The following CCSER1 variants were observed in gnomAD, a reference collection of about 807,000 sequenced individuals.
CCSER1 encodes serine-rich coiled-coil domain-containing protein 1.
Under a neutral mutation model 82.0 loss-of-function variants are expected in CCSER1, and 41 were observed. That is an observed-to-expected ratio of 0.50 (90% CI 0.39 to 0.65). CCSER1 has a LOEUF of 0.65. CCSER1 is among the 30% of genes least tolerant of loss of function. CCSER1 has a pLI of 0.00. For missense variants in CCSER1, 1,119 were observed against 1,064.2 expected (o/e 1.05, Z -0.72); for synonymous variants, 414 against 383.9 (o/e 1.08, Z -0.92).
intron 9 of CCSER1, among the ~76,000 whole-genome samples, chr4:91,057,043 G>A (rs1223201708): frequency 3.9e-5 from 6 of 152,110 alleles, no homozygotes; most frequent in African/African-American, 1.2e-4. Flanking sequence ...CAACAACAAT[G>A]GCTGTTCACC....
chr4:91,359,207 G>C (rs1372641374), intron 10 of CCSER1, among the ~76,000 whole-genome samples: 2 of 151,764 alleles, frequency 1.3e-5, no homozygotes, highest in African/African-American at 4.8e-5. Flanking sequence ...ACAGGGCAGG[G>C]AGTTTCACAA....
At chr4:90,235,998 G>T (rs1400946452) in intron 1 of CCSER1, among the ~76,000 whole-genome samples, 1 of 152,148 alleles carries the variant, frequency 6.6e-6, no homozygotes, top group Admixed American at 6.5e-5. Flanking sequence ...CTGGAATGCA[G>T]TGGCATGATC....
chr4:91,316,737 T>A (rs1745860416), intron 10 of CCSER1, among the ~76,000 whole-genome samples: 1 of 151,962 alleles, frequency 6.6e-6, no homozygotes, highest in South Asian at 2.1e-4. Flanking sequence ...CTTAACACAG[T>A]GTGATCTTTT....
intron 4 of CCSER1, among the ~76,000 whole-genome samples, chr4:90,425,017 G>A (rs994281279): frequency 9.9e-5 from 15 of 152,062 alleles, no homozygotes; most frequent in African/African-American, 3.1e-4. Context: ...TCAGGCCATC[G>A]TTTTCCTCTA....
Position 90,666,308 on chromosome 4 carries a change from T to G in CCSER1, c.1932+38076T>G, listed in dbSNP as rs1731777650. On this transcript the variant is annotated intron_variant, in intron 6 of 10. Coordinates refer to ENST00000509176, the MANE Select transcript of CCSER1 (RefSeq NM_001145065.2). The stretch of plus-strand genomic sequence containing the variant: ...GATTACTAAGTCCTTTTTGCCATGT[T>G]ATGTTACATAGTCACAGGCTTGACA... Among the ~76,000 whole-genome samples the G allele has an allele frequency of 2.6e-5, 4 of 152,200 alleles. No individual in the cohort carries two copies. In the South Asian group the frequency reaches 8.3e-4, roughly 32 times the overall value.
chr4:90,355,557 A>G (rs993940371), intron 3 of CCSER1, among the ~76,000 whole-genome samples: 2 of 152,000 alleles, frequency 1.3e-5, no homozygotes, highest in African/African-American at 4.8e-5. Context: ...GGTGGAAGTC[A>G]AATAACTTGT....
intron 9 of CCSER1, among the ~76,000 whole-genome samples, chr4:90,958,618 G>A (rs556778170): frequency 1.4e-3 from 220 of 152,164 alleles, no homozygotes; most frequent in African/African-American, 5.1e-3. Flanking sequence ...TTGTAGTCTC[G>A]TGTCCCTCCC....
At chr4:91,297,250 A>T (rs747611564) in intron 10 of CCSER1, among the ~76,000 whole-genome samples, 1 of 151,888 alleles carries the variant, frequency 6.6e-6, no homozygotes, top group Non-Finnish European at 1.5e-5. Flanking sequence ...AAAAAGACAG[A>T]TACATTTTAA....
chr4:90,607,868 T>C (rs1037545593), intron 5 of CCSER1, among the ~76,000 whole-genome samples: 3 of 152,100 alleles, frequency 2.0e-5, no homozygotes, highest in Non-Finnish European at 2.9e-5. Context: ...TCAACTAAAT[T>C]TTTTTTCAAA....
intron 10 of CCSER1, among the ~76,000 whole-genome samples, chr4:91,209,936 G>A (rs927214021): frequency 6.6e-6 from 1 of 151,686 alleles, no homozygotes; most frequent in African/African-American, 2.4e-5. Context: ...TCAGTGCAAT[G>A]AGCATACCTA....
chr4:91,488,720 C>T (rs1758352191), intron 10 of CCSER1, among the ~76,000 whole-genome samples: 1 of 152,198 alleles, frequency 6.6e-6, no homozygotes, highest in Admixed American at 6.5e-5. Flanking sequence ...AGCCATGCTT[C>T]CTATACAGGC....
At chr4:90,476,177 CTTAG>C (rs1412213894) in intron 5 of CCSER1, among the ~76,000 whole-genome samples, 4 of 152,098 alleles carry the variant, frequency 2.6e-5, no homozygotes, top group African/African-American at 9.7e-5. Flanking sequence ...GGATTCTTGC[CTTAG>C]GCCCTGCATG....
At chr4:90,876,093 A>C (rs1561288856) in intron 8 of CCSER1, among the ~76,000 whole-genome samples, 2 of 151,900 alleles carry the variant, frequency 1.3e-5, no homozygotes, top group Non-Finnish European at 2.9e-5. Flanking sequence ...AAAGGAAGGC[A>C]ATTATGAGAA....
At chr4:91,144,280 T>C (rs1398901682) in intron 10 of CCSER1, among the ~76,000 whole-genome samples, 1 of 151,998 alleles carries the variant, frequency 6.6e-6, no homozygotes, top group Non-Finnish European at 1.5e-5. Flanking sequence ...TCTGAGGATC[T>C]TTTGCATTTC....
At chr4:91,070,309 C>T (rs1027155376) in intron 9 of CCSER1, among the ~76,000 whole-genome samples, 38 of 152,176 alleles carry the variant, frequency 2.5e-4, no homozygotes, top group Non-Finnish European at 1.0e-4. Context: ...TATGTTAAAA[C>T]TAAATCATTA....
intron 4 of CCSER1, among the ~76,000 whole-genome samples, chr4:90,432,589 C>T (rs980926547): frequency 1.3e-4 from 20 of 151,378 alleles, no homozygotes; most frequent in African/African-American, 2.7e-4. Context: ...CTCTCTCTCT[C>T]TCTTTCTTTC....
rs561951937 is a variant in CCSER1, at chr4:91,604,369, T to C, written c.*5312T>C. The C allele has an allele frequency of 2.6e-5, 4 of 152,096 alleles. No homozygotes were observed. Among genetic ancestry groups the C allele is most frequent in the Non-Finnish European group, 5.9e-5 (4 of 67,978 alleles). 9.4% of individuals were successfully genotyped at this position (152,096 alleles called of 1,614,324 possible). ...GATCTATTTTAGGAAATCAAAATAC[T>C]GTTCATTGAAAAGCAGTTTTAAAAC... On this transcript the variant is annotated 3_prime_UTR_variant, in exon 11 of 11. Transcript: ENST00000509176.
intron 9 of CCSER1, among the ~76,000 whole-genome samples, chr4:90,934,657 C>A (rs1246804137): frequency 6.6e-6 from 1 of 152,164 alleles, no homozygotes; most frequent in Non-Finnish European, 1.5e-5. Flanking sequence ...ATCTGCTGGG[C>A]ATGGTGGCTC....
intron 10 of CCSER1, among the ~76,000 whole-genome samples, chr4:91,509,393 A>G (rs200249687): frequency 3.3e-5 from 5 of 151,856 alleles, no homozygotes; most frequent in South Asian, 2.1e-4. Context: ...AAATTCCTCA[A>G]TTTTTCTCTT....
Sources: gnomAD v4.1 joint callset for allele counts (sites outside exome capture counted in the v4.1 genomes callset) on GRCh38, gnomAD v4.1.1 for gene constraint, MANE v1.5 for transcripts, NCBI Gene and HGNC (gene_info 2026-07-23, HGNC 2026-07-21) for gene names.